Variants in CTNNA2 observed in about 807,000 individuals in gnomAD.
CTNNA2 encodes the protein catenin alpha-2.
A neutral mutation model predicts 101.0 loss-of-function variants in CTNNA2; 42 were observed. That is an observed-to-expected ratio of 0.42 (90% CI 0.32 to 0.54). The LOEUF (loss-of-function observed/expected upper bound fraction) is 0.54, where lower values mean the gene tolerates loss of function less well. CTNNA2 is among the 20% of genes least tolerant of loss of function. The pLI is 0.14. For missense variants in CTNNA2, 871 were observed against 1,223.1 expected, an observed-to-expected ratio of 0.71 and a Z score of 4.29; for synonymous variants, 450 against 456.4, an observed-to-expected ratio of 0.99 and a Z score of 0.18.
intron 7 of CTNNA2, among the ~76,000 whole-genome samples, chr2:80,179,911 G>T (rs977265102): frequency 6.6e-6 from 1 of 152,178 alleles, no homozygotes; most frequent in Non-Finnish European, 1.5e-5. Context: ...CACTGGAGAA[G>T]TGACCACAGG....
At chr2:80,376,466 G>GA (rs5832451) in intron 7 of CTNNA2, among the ~76,000 whole-genome samples, 11,249 of 125,356 alleles carry the variant, frequency 0.09, 1,033 homozygotes, top group African/African-American at 0.25. Context: ...GTAGAAACAG[G>GA]AAAAAAAAAA....
Position 79,813,495 on chromosome 2 carries a change from C to G in CTNNA2, c.299-44518C>G, listed in dbSNP as rs1677213605. The stretch of plus-strand genomic sequence containing the variant: ...AAGCCTGTTCAGAGTTGAGGTTGAA[C>G]AGATGAGCAAATGGTGGCATCATTT... On this transcript the variant is annotated intron_variant, in intron 3 of 18. Transcript: ENST00000402739. 1.3e-5 allele frequency among the ~76,000 whole-genome samples: 2 copies of G among 152,168 alleles called. 1 individual carries two copies. Among genetic ancestry groups the G allele is most frequent in the South Asian group, 4.1e-4 (2 of 4,834 alleles).
chr2:80,242,622 T>A (rs1671026260), intron 7 of CTNNA2, among the ~76,000 whole-genome samples: 2 of 152,202 alleles, frequency 1.3e-5, no homozygotes, highest in African/African-American at 4.8e-5. Context: ...CATTTTGCGC[T>A]GCAGCAGGAA....
chr2:79,204,902 C>A (rs1349683508), intron 2 of CTNNA2, among the ~76,000 whole-genome samples: 1 of 152,216 alleles, frequency 6.6e-6, no homozygotes, highest in Non-Finnish European at 1.5e-5. Context: ...TGCCTAAATA[C>A]CTTGCATCAG....
chr2:79,931,317 T>C (rs1687426318), intron 7 of CTNNA2, among the ~76,000 whole-genome samples: 1 of 152,196 alleles, frequency 6.6e-6, no homozygotes, highest in South Asian at 2.1e-4. Flanking sequence ...AAAATTTAAT[T>C]ATGAAGAATG....
intron 9 of CTNNA2, among the ~76,000 whole-genome samples, chr2:80,533,867 A>G (rs757530358): frequency 2.0e-5 from 3 of 152,188 alleles, no homozygotes; most frequent in Non-Finnish European, 4.4e-5. Context: ...TTAAGGTAAG[A>G]CATGATAAGC....
intron 7 of CTNNA2, chr2:80,299,487 G>GAC (rs1676052902): frequency 6.6e-6 from 1 of 151,952 alleles, no homozygotes; most frequent in Non-Finnish European, 1.5e-5. Context: ...GAAACATACA[G>GAC]ACACACACAC....
chr2:79,373,025 G>C (rs1002196844), intron 3 of CTNNA2, among the ~76,000 whole-genome samples: 4 of 152,052 alleles, frequency 2.6e-5, no homozygotes, highest in African/African-American at 9.7e-5. Context: ...AGATAATAAG[G>C]TGAATAAAAA....
chr2:79,645,044 A>C lies in CTNNA2; in HGVS notation c.-5-6508A>C, dbSNP rs577330629. On this transcript the variant is annotated intron_variant, in intron 1 of 18. Coordinates refer to ENST00000402739, the MANE Select transcript of CTNNA2 (RefSeq NM_001282597.3). Reference sequence around the variant, plus strand: ...AACATCCAGACTGGAGTGCAATGGCATGATCTCGGCTCACTGCAGCCTCTG... The same window carrying C: ...AACATCCAGACTGGAGTGCAATGGCCTGATCTCGGCTCACTGCAGCCTCTG... 1.3e-4 allele frequency among the ~76,000 whole-genome samples: 19 copies of C among 151,982 alleles called. 1 individual carries two copies. The South Asian group carries it at 3.9e-3, about 32-fold the overall frequency.
In CTNNA2 at chr2:79,958,175, C is replaced by T. The variant is rs142083171; in HGVS notation, c.1056+48378C>T. 4.2e-3 allele frequency among the ~76,000 whole-genome samples: 633 copies of T among 152,128 alleles called. 3 individuals carry two copies. The highest frequency in any genetic ancestry group is 5.2e-3 in the Non-Finnish European group (352 of 67,988). ...CAGGAGTTAACTATTTTTTCCTTTTCGTTTGTCTATCAGCCTCTTCTCTGC... is the reference window on the plus strand; with the variant it reads ...CAGGAGTTAACTATTTTTTCCTTTTTGTTTGTCTATCAGCCTCTTCTCTGC... On this transcript the variant is annotated intron_variant, in intron 7 of 18. Transcript: ENST00000402739.
intron 4 of CTNNA2, among the ~76,000 whole-genome samples, chr2:79,467,211 C>T (rs905896371): frequency 4.6e-5 from 7 of 152,088 alleles, no homozygotes; most frequent in Non-Finnish European, 5.9e-5. Flanking sequence ...AACCATGGCA[C>T]GAGAACTACA....
intron 9 of CTNNA2, among the ~76,000 whole-genome samples, chr2:80,496,182 A>G (rs1687450717): frequency 6.6e-6 from 1 of 152,080 alleles, no homozygotes; most frequent in Non-Finnish European, 1.5e-5. Flanking sequence ...CTAGAACTGT[A>G]AGACAATACA....
chr2:79,604,324 T>G (rs1253869489), intron 1 of CTNNA2, among the ~76,000 whole-genome samples: 4 of 152,194 alleles, frequency 2.6e-5, no homozygotes, highest in Non-Finnish European at 5.9e-5. Context: ...TATGAAATCA[T>G]GTTTTTTAAG....
chr2:80,465,666 C>T (rs892807949), intron 9 of CTNNA2, among the ~76,000 whole-genome samples: 1 of 152,132 alleles, frequency 6.6e-6, no homozygotes, highest in African/African-American at 2.4e-5. Flanking sequence ...GTCATTTGCC[C>T]TCGCCCTAGC....
At chr2:80,495,050 G>C in intron 9 of CTNNA2, among the ~76,000 whole-genome samples, 1 of 152,128 alleles carries the variant, frequency 6.6e-6, no homozygotes, top group Non-Finnish European at 1.5e-5. Flanking sequence ...TTTGGCACCA[G>C]GAATGACCCA....
intron 3 of CTNNA2, among the ~76,000 whole-genome samples, chr2:79,836,287 G>A (rs1355624193): frequency 6.6e-6 from 1 of 152,126 alleles, no homozygotes; most frequent in East Asian, 1.9e-4. Flanking sequence ...TGGAAAGCTG[G>A]TCCCTAGATG....
Position 79,993,008 on chromosome 2 carries a change from T to C in CTNNA2, c.1056+83211T>C, listed in dbSNP as rs148412248. ...TACTTCTCCCCTTCAAACTCCTCTT[T>C]CTGGGTTCTTTGATTCTCCCCATCT... On this transcript the variant is annotated intron_variant, in intron 7 of 18. Coordinates refer to ENST00000402739, the MANE Select transcript of CTNNA2 (RefSeq NM_001282597.3). 1.5e-3 allele frequency among the ~76,000 whole-genome samples: 235 copies of C among 152,282 alleles called. 2 individuals carry two copies. The East Asian group carries it at 0.039, about 26-fold the overall frequency.
intron 2 of CTNNA2, among the ~76,000 whole-genome samples, chr2:79,235,664 G>A (rs376208614): frequency 1.1e-4 from 16 of 152,292 alleles, no homozygotes; most frequent in East Asian, 7.7e-4. Flanking sequence ...TCAGTGATCC[G>A]AGAGTAAGGG....
chr2:79,511,672 T>C (rs73938715), upstream of CTNNA2, among the ~76,000 whole-genome samples: 3,479 of 152,230 alleles, frequency 0.023, 164 homozygotes, highest in East Asian at 0.19. Flanking sequence ...GAGAGAAAGA[T>C]AGAGGCATGG....
Sources: allele counts gnomAD v4.1 joint callset (sites outside exome capture counted in the v4.1 genomes callset), GRCh38; gene constraint gnomAD v4.1.1; transcripts MANE v1.5; gene names NCBI Gene and HGNC (gene_info 2026-07-23, HGNC 2026-07-21).